Variants in BICC1 observed in about 807,000 individuals in gnomAD.
BICC1 encodes BicC family RNA binding protein 1.
A neutral mutation model predicts 111.0 loss-of-function variants in BICC1; 43 were observed. The ratio of observed to expected loss-of-function variants is 0.39; its 90% CI spans 0.30 to 0.50. The LOEUF (loss-of-function observed/expected upper bound fraction) is 0.50. BICC1 is among the 20% of genes least tolerant of loss of function. BICC1 has a pLI of 0.88. For missense variants in BICC1, 1,091 were observed against 1,203.2 expected (o/e 0.91, Z 1.38); for synonymous variants, 467 against 434.4 (o/e 1.07, Z -0.93).
At chr10:58,730,367 T>C (rs1362758760) in intron 3 of BICC1, among the ~76,000 whole-genome samples, 2 of 152,162 alleles carry the variant, frequency 1.3e-5, no homozygotes, top group Non-Finnish European at 2.9e-5. Context: ...TGTGGCCTTG[T>C]GGGGTTTAGC....
In BICC1 at chr10:58,571,873, A is replaced by C. The variant is rs561218641; in HGVS notation, c.191-48982A>C. ...TAAAGAAATGGGATTATTGTGTCGA[A>C]TGGTATTTCTGCCTCTAGGTCTTTG... is the stretch of plus-strand genomic sequence containing the variant. On this transcript the variant is annotated intron_variant, in intron 1 of 20. Transcript: ENST00000373886. 4.6e-5 allele frequency among the ~76,000 whole-genome samples: 7 copies of C among 152,282 alleles called. No homozygotes were observed. The South Asian group carries it at 1.5e-3, about 32-fold the overall frequency.
At chr10:58,651,667 C>G (rs1056706269) in intron 2 of BICC1, among the ~76,000 whole-genome samples, 1 of 152,124 alleles carries the variant, frequency 6.6e-6, no homozygotes, top group African/African-American at 2.4e-5. Flanking sequence ...TTAGACACCT[C>G]CAGTCCTCTT....
intron 2 of BICC1, among the ~76,000 whole-genome samples, chr10:58,646,468 A>T (rs1017109696): frequency 5.3e-5 from 8 of 152,162 alleles, no homozygotes; most frequent in African/African-American, 1.2e-4. Flanking sequence ...TATATTCTTT[A>T]AAAAAGGTTT....
chr10:58,671,360 C>T (rs374012673), intron 2 of BICC1, among the ~76,000 whole-genome samples: 16 of 152,110 alleles, frequency 1.1e-4, no homozygotes, highest in East Asian at 3.9e-4. Flanking sequence ...TTTACTGTTC[C>T]CATCTGGAGG....
intron 3 of BICC1, among the ~76,000 whole-genome samples, chr10:58,749,420 T>C (rs1841924311): frequency 6.6e-6 from 1 of 152,174 alleles, no homozygotes; most frequent in Non-Finnish European, 1.5e-5. Context: ...AAGAACTTCA[T>C]ATTGATATTC....
At chr10:58,727,963 A>G (rs1841163878) in intron 3 of BICC1, among the ~76,000 whole-genome samples, 1 of 152,256 alleles carries the variant, frequency 6.6e-6, no homozygotes, top group Non-Finnish European at 1.5e-5. Flanking sequence ...CTTTAATTAA[A>G]AAACCTTTTT....
intron 15 of BICC1, among the ~76,000 whole-genome samples, chr10:58,805,314 C>CA (rs11453346): frequency 0.017 from 2,582 of 150,962 alleles, 76 homozygotes; most frequent in African/African-American, 0.059. Context: ...AACAAACAAA[C>CA]AAAAAAACTG....
intron 1 of BICC1, among the ~76,000 whole-genome samples, chr10:58,515,950 T>C (rs566968928): frequency 7.8e-4 from 119 of 152,240 alleles, no homozygotes; most frequent in Non-Finnish European, 1.6e-3. Context: ...TAATAAATAG[T>C]TGGGGAACAA....
At position 58,513,153 on chromosome 10, in the gene BICC1, C is replaced by A. The variant is rs1250037324; in HGVS notation, c.10C>A (p.Gln4Lys). 6.5e-7 allele frequency: 1 copy of A among 1,535,256 alleles called. No homozygotes were observed. The highest frequency in any genetic ancestry group is 2.7e-5 in the East Asian group (1 of 37,176). ...GCGCTGCGCGCCCACCATGGCCGCCCAGGGAGAGCCCGGCTACCTGGCGGC... is the reference window on the plus strand; with the variant it reads ...GCGCTGCGCGCCCACCATGGCCGCCAAGGGAGAGCCCGGCTACCTGGCGGC... MAA[Q>K]GEPGYLAAQS... Residue 4 changes from glutamine to lysine, a missense_variant, in exon 1 of 21, where the codon CAG becomes AAG. Transcript: ENST00000373886.
intron 3 of BICC1, among the ~76,000 whole-genome samples, chr10:58,747,064 A>G (rs1841855521): frequency 6.6e-6 from 1 of 152,186 alleles, no homozygotes; most frequent in Non-Finnish European, 1.5e-5. Context: ...ACGGGACCAC[A>G]CAGAGTGGTT....
At chr10:58,630,857 A>T (rs1837771982) in intron 2 of BICC1, among the ~76,000 whole-genome samples, 1 of 152,184 alleles carries the variant, frequency 6.6e-6, no homozygotes, top group East Asian at 1.9e-4. Flanking sequence ...TTTATATAAA[A>T]GGTATTTCTG....
chr10:58,773,243 C>T (rs1842665666), intron 3 of BICC1, among the ~76,000 whole-genome samples: 1 of 152,158 alleles, frequency 6.6e-6, no homozygotes, highest in Admixed American at 6.6e-5. Flanking sequence ...AGTTGACCCC[C>T]TAAAAGTTAG....
intron 1 of BICC1, among the ~76,000 whole-genome samples, chr10:58,525,999 T>TG (rs1277104061): frequency 2.0e-5 from 3 of 151,836 alleles, no homozygotes; most frequent in Admixed American, 1.3e-4. Flanking sequence ...GGCTTTTTTT[T>TG]CTTCGTGACT....
intron 2 of BICC1, among the ~76,000 whole-genome samples, chr10:58,663,878 G>A (rs1357704050): frequency 6.6e-6 from 1 of 152,130 alleles, no homozygotes; most frequent in South Asian, 2.1e-4. Context: ...TCTCATTTGA[G>A]GTTGTTGGGT....
intron 1 of BICC1, among the ~76,000 whole-genome samples, chr10:58,567,901 G>A (rs1278118561): frequency 6.6e-6 from 1 of 152,078 alleles, no homozygotes; most frequent in African/African-American, 2.4e-5. Flanking sequence ...AAGTGCAGAG[G>A]CTTCAATGTT....
intron 1 of BICC1, among the ~76,000 whole-genome samples, chr10:58,517,394 C>T (rs1403639804): frequency 6.6e-6 from 1 of 152,120 alleles, no homozygotes; most frequent in Non-Finnish European, 1.5e-5. Flanking sequence ...ACAGTAGGAG[C>T]AGCAACTATG....
chr10:58,567,254 T>A (rs562198171), intron 1 of BICC1, among the ~76,000 whole-genome samples: 9 of 152,184 alleles, frequency 5.9e-5, no homozygotes, highest in Non-Finnish European at 1.3e-4. Context: ...TAGTTTTTTA[T>A]GGTGGACTAT....
chr10:58,615,875 C>T (rs1358991555), intron 1 of BICC1, among the ~76,000 whole-genome samples: 1 of 152,270 alleles, frequency 6.6e-6, no homozygotes, highest in East Asian at 1.9e-4. Context: ...GGTGCTGAAG[C>T]AGCTGCAAGT....
At chr10:58,731,769 C>T (rs2132559569) in intron 3 of BICC1, among the ~76,000 whole-genome samples, 1 of 151,248 alleles carries the variant, frequency 6.6e-6, no homozygotes, top group East Asian at 2.0e-4. Flanking sequence ...CACTTTTAAA[C>T]AATCAGATCT....
Sources: gnomAD v4.1 joint callset for allele counts (sites outside exome capture counted in the v4.1 genomes callset) on GRCh38, gnomAD v4.1.1 for gene constraint, MANE v1.5 for transcripts, NCBI Gene and HGNC (gene_info 2026-07-23, HGNC 2026-07-21) for gene names.